The following CNBD2 variants were observed in gnomAD, a reference collection of about 807,000 sequenced individuals.
CNBD2 encodes the protein cyclic nucleotide-binding domain-containing protein 2.
A neutral mutation model predicts 63.7 loss-of-function variants in CNBD2; 64 were observed. The observed-to-expected ratio is 1.00, with a 90% CI of 0.82 to 1.24. The LOEUF is 1.24. Among genes scored for constraint, CNBD2 ranks in the 50% most tolerant of loss-of-function variants. CNBD2 has a pLI of 0.00. For missense variants in CNBD2, 691 were observed against 713.5 expected (o/e 0.97, Z 0.36); for synonymous variants, 229 against 255.4 (o/e 0.90, Z 0.99).
chr20:35,966,499 G>A (rs2056345826), upstream of CNBD2, among the ~76,000 whole-genome samples: 1 of 152,150 alleles, frequency 6.6e-6, no homozygotes, highest in Non-Finnish European at 1.5e-5. Flanking sequence ...AGCAAATTGA[G>A]ATACTCAATT....
intron 10 of CNBD2, among the ~76,000 whole-genome samples, chr20:36,016,376 G>A (rs1383995630): frequency 6.6e-6 from 1 of 152,186 alleles, no homozygotes; most frequent in Non-Finnish European, 1.5e-5. Flanking sequence ...TAGCAGTAGA[G>A]GTTCACTAAT....
At chr20:36,028,532 C>T (rs1300008810) in intron 11 of CNBD2, among the ~76,000 whole-genome samples, 1 of 152,134 alleles carries the variant, frequency 6.6e-6, no homozygotes, top group Non-Finnish European at 1.5e-5. Context: ...CTACAGAGCA[C>T]AGGGCGGCCC....
intron 8 of CNBD2, among the ~76,000 whole-genome samples, chr20:35,997,636 C>T (rs1482298961): frequency 6.6e-6 from 1 of 152,172 alleles, no homozygotes; most frequent in East Asian, 1.9e-4. Context: ...ATGGTCCGTA[C>T]CTCGTAGGAT....
At chr20:36,022,848 GGGCT>G (rs368584859) in intron 10 of CNBD2, among the ~76,000 whole-genome samples, 63 of 151,314 alleles carry the variant, frequency 4.2e-4, no homozygotes, top group African/African-American at 1.5e-3. Flanking sequence ...TCAAACTCCT[GGGCT>G]CAAGTGATCC....
chr20:36,023,005 A>AAAACG (rs2057238052), intron 10 of CNBD2, among the ~76,000 whole-genome samples: 1 of 152,232 alleles, frequency 6.6e-6, no homozygotes, highest in Non-Finnish European at 1.5e-5. Context: ...AAAACAAAAC[A>AAAACG]AAAAGCTGTA....
At chr20:36,009,978 G>T (rs2057037228) in intron 9 of CNBD2, among the ~76,000 whole-genome samples, 1 of 152,132 alleles carries the variant, frequency 6.6e-6, no homozygotes, top group Non-Finnish European at 1.5e-5. Flanking sequence ...GTTTGTTCCA[G>T]GTTGCGCAGG....
intron 11 of CNBD2, among the ~76,000 whole-genome samples, chr20:36,026,027 G>A (rs866253110): frequency 5.9e-5 from 9 of 151,670 alleles, no homozygotes; most frequent in Admixed American, 2.0e-4. Context: ...TCTCCACCCC[G>A]GCTTTGTTTT....
At chr20:35,967,906 T>C (rs1663158819), upstream of CNBD2, among the ~76,000 whole-genome samples, 1 of 152,080 alleles carries the variant, frequency 6.6e-6, no homozygotes, top group East Asian at 1.9e-4. Context: ...AATTGAGACT[T>C]AGCTTAGGAG....
intron 10 of CNBD2, among the ~76,000 whole-genome samples, chr20:36,018,969 T>G (rs58121406): frequency 1.1e-3 from 165 of 152,318 alleles, no homozygotes; most frequent in African/African-American, 3.8e-3. Context: ...TCAGCAGATA[T>G]TCCTTGAGCA....
intron 6 of CNBD2, among the ~76,000 whole-genome samples, chr20:35,985,767 C>T (rs1485516631): frequency 2.0e-5 from 3 of 152,138 alleles, no homozygotes; most frequent in Non-Finnish European, 4.4e-5. Context: ...GGATTACAGG[C>T]GTAAGCCACT....
At chr20:35,986,629 G>A (rs2056671307) in intron 6 of CNBD2, among the ~76,000 whole-genome samples, 1 of 152,186 alleles carries the variant, frequency 6.6e-6, no homozygotes, top group Non-Finnish European at 1.5e-5. Flanking sequence ...TTCACCTCTG[G>A]TGCCCTGACC....
intron 11 of CNBD2, 101 bp from the exon 12 acceptor site, chr20:36,030,256 A>G: frequency 8.7e-7 from 1 of 1,152,402 alleles, no homozygotes; most frequent in South Asian, 1.4e-5. Context: ...TCAGAGAAGC[A>G]GAATGAAGCG....
At chr20:35,962,628 C>A (rs1324408930) in intron 2 of CNBD2, among the ~76,000 whole-genome samples, 9 of 152,296 alleles carry the variant, frequency 5.9e-5, no homozygotes, top group Middle Eastern at 3.4e-3. Context: ...CATGTTCATG[C>A]ACCTCTGTCA....
intron 7 of CNBD2, among the ~76,000 whole-genome samples, chr20:35,992,288 G>T (rs1014743486): frequency 2.6e-5 from 4 of 152,156 alleles, no homozygotes; most frequent in African/African-American, 4.8e-5. Context: ...GCTTCCAGGC[G>T]ATTCCAATGC....
At position 35,962,403 on chromosome 20, in the gene CNBD2, C is replaced by T. The variant is rs375410606; in HGVS notation, c.228+4629C>T. Reference sequence around the variant, plus strand: ...CCTCCCGAGTAGCTGGGACTACAGGCGCCCACCACCACGCCCAGCTAATTT... The same window carrying T: ...CCTCCCGAGTAGCTGGGACTACAGGTGCCCACCACCACGCCCAGCTAATTT... On this transcript the variant is annotated intron_variant, in intron 2 of 4. Coordinates refer to the CNBD2 transcript ENST00000622112. Among the ~76,000 whole-genome samples, 60 of 152,172 alleles carry T rather than the reference C, an allele frequency of 3.9e-4. 1 individual carries two copies. In the Middle Eastern group the frequency reaches 0.02, roughly 52 times the overall value.
rs1274284026 is a variant in CNBD2 at position 36,011,254 on chromosome 20, T to TCAC, written c.1266_1267insCAC (p.Ile422_Leu423insHis). ...TGCACACTGTGGAGCAGGGAGAAAT[T>TCAC]TTGGTGAGTGTGCCAAGAGCTCTGT... On this transcript the variant is annotated inframe_insertion, in exon 10 of 12. Transcript: ENST00000373973. 6.4e-7 allele frequency: 1 copy of TCAC among 1,553,358 alleles called. No homozygotes were observed. Among genetic ancestry groups the TCAC allele is most frequent in the South Asian group, 1.2e-5 (1 of 81,594 alleles).
chr20:35,989,073 A>G (rs2056707248), intron 7 of CNBD2, among the ~76,000 whole-genome samples: 1 of 152,202 alleles, frequency 6.6e-6, no homozygotes, highest in African/African-American at 2.4e-5. Flanking sequence ...TTTAGTCTCT[A>G]TAGCCCGGAG....
intron 7 of CNBD2, among the ~76,000 whole-genome samples, chr20:35,993,832 G>A (rs940254165): frequency 6.6e-6 from 1 of 150,942 alleles, no homozygotes; most frequent in Admixed American, 6.6e-5. Flanking sequence ...TGGAACTACA[G>A]GCATGCACCA....
At chr20:36,020,569 T>C (rs1171631367) in intron 10 of CNBD2, among the ~76,000 whole-genome samples, 1 of 152,230 alleles carries the variant, frequency 6.6e-6, no homozygotes, top group Non-Finnish European at 1.5e-5. Context: ...TCATCATTGC[T>C]ATTGTAATTA....
Sources: allele counts gnomAD v4.1 joint callset (sites outside exome capture counted in the v4.1 genomes callset), GRCh38; gene constraint gnomAD v4.1.1; transcripts MANE v1.5; gene names NCBI Gene and HGNC (gene_info 2026-07-23, HGNC 2026-07-21).